ZNF469: variants seen among roughly 807,000 people sequenced by gnomAD.
The protein encoded by ZNF469 is zinc finger protein 469.
Under a neutral mutation model 1.0 loss-of-function variants are expected in ZNF469, and 1 was observed. The ratio of observed to expected loss-of-function variants is 1.00; its 90% CI spans 0.35 to 4.73. ZNF469 has a LOEUF of 4.73. Among genes scored for constraint, ZNF469 ranks in the 30% most tolerant of loss-of-function variants. The pLI, the probability that ZNF469 is intolerant of heterozygous loss-of-function variation, is 0.16. For missense variants in ZNF469, 6,100 were observed against 5,356.3 expected, an observed-to-expected ratio of 1.14 and a Z score of -4.33; for synonymous variants, 2,703 against 2,363.4, an observed-to-expected ratio of 1.14 and a Z score of -4.17.
rs776065579 is a variant in ZNF469 at position 88,431,696 on chromosome 16, C to T, written c.4226C>T (p.Pro1409Leu). Residue 1409 changes from proline (P) to leucine (L), a missense_variant, in exon 3 of 3, where the codon CCG (proline) becomes CTG (leucine). Physicochemically the swap from Pro to Leu is moderately conservative, Grantham distance 98. Coordinates refer to ENST00000565624, the MANE Select transcript of ZNF469 (RefSeq NM_001367624.2). ...AAGCCCTCAGCCAGGGATGCCCCGC[C>T]GGCCAGCAGCTCCTGCCTTTGCCAG... Reference protein sequence around the residue: ...HPKPSARDAPPASSSCLCQDG... With the variant: ...HPKPSARDAPLASSSCLCQDG... 43 of 1,550,302 alleles carry T rather than the reference C, an allele frequency of 2.8e-5. No individual in the cohort carries two copies. In the South Asian group the frequency reaches 3.7e-4, roughly 13 times the overall value.
the ZNF469 span, among the ~76,000 whole-genome samples, chr16:88,307,601 T>A: frequency 5.3e-5 from 8 of 152,356 alleles, no homozygotes; most frequent in East Asian, 1.5e-3. Context: ...GCTAATGATA[T>A]CAGTGTCTTT....
At chr16:88,273,925 C>A in the ZNF469 span, among the ~76,000 whole-genome samples, 2 of 152,062 alleles carry the variant, frequency 1.3e-5, no homozygotes, top group African/African-American at 4.8e-5. Context: ...CTGCCTCAGC[C>A]TCCCGTGTAG....
the ZNF469 span, among the ~76,000 whole-genome samples, chr16:88,242,704 G>A: frequency 0.31 from 47,055 of 151,510 alleles, 5,157 homozygotes; most frequent in Non-Finnish European, 0.42. Context: ...AGCGGGTTGA[G>A]GGTCAGCCTG....
the ZNF469 span, among the ~76,000 whole-genome samples, chr16:88,345,457 C>A: frequency 6.6e-6 from 1 of 152,210 alleles, no homozygotes; most frequent in Non-Finnish European, 1.5e-5. Flanking sequence ...TGGCTACACA[C>A]GCAAACGTTG....
chr16:88,140,906 C>T, the ZNF469 span, among the ~76,000 whole-genome samples: 9 of 152,164 alleles, frequency 5.9e-5, no homozygotes, highest in Non-Finnish European at 1.2e-4. Flanking sequence ...GCACTGCAGC[C>T]TGGGTGACAG....
chr16:88,272,683 T>C, the ZNF469 span, among the ~76,000 whole-genome samples: 287 of 150,452 alleles, frequency 1.9e-3, 7 homozygotes, highest in Admixed American at 0.016. Context: ...GGTGTATGGA[T>C]AGACGAGTGG....
In ZNF469 at chr16:88,431,712, C is replaced by T. The variant is rs1431434600; in HGVS notation, c.4242C>T (p.Cys1414=). 7.1e-6 allele frequency: 11 copies of T among 1,550,398 alleles called. No homozygotes were observed. In the South Asian group the frequency reaches 1.1e-4, roughly 15 times the overall value. The change falls in exon 3 of 3, where the codon TGC becomes TGT. Residue 1414 remains cysteine (C), a synonymous_variant. Coordinates refer to ENST00000565624, the MANE Select transcript of ZNF469 (RefSeq NM_001367624.2). Reference sequence around the variant, plus strand: ...ATGCCCCGCCGGCCAGCAGCTCCTGCCTTTGCCAGGACGGCGAGGATGCCG... The same window carrying T: ...ATGCCCCGCCGGCCAGCAGCTCCTGTCTTTGCCAGGACGGCGAGGATGCCG... ...ARDAPPASSS[C]LCQDGEDAGS...
the ZNF469 span, among the ~76,000 whole-genome samples, chr16:88,145,974 G>A: frequency 1.3e-5 from 2 of 152,240 alleles, no homozygotes; most frequent in South Asian, 4.1e-4. Flanking sequence ...CGGCCTCGCA[G>A]TCCCGTGTTG....
the ZNF469 span, among the ~76,000 whole-genome samples, chr16:88,270,643 A>C: frequency 6.6e-6 from 1 of 152,228 alleles, no homozygotes; most frequent in African/African-American, 2.4e-5. Context: ...CCCAGATTCC[A>C]AGTATCCAAA....
chr16:88,292,725 C>G, the ZNF469 span, among the ~76,000 whole-genome samples: 1 of 149,232 alleles, frequency 6.7e-6, no homozygotes, highest in African/African-American at 2.5e-5. Flanking sequence ...TCATTACTTG[C>G]TCACTCGTAG....
chr16:88,321,761 TG>T, the ZNF469 span, among the ~76,000 whole-genome samples: 1 of 152,216 alleles, frequency 6.6e-6, no homozygotes, highest in African/African-American at 2.4e-5. Context: ...AGGCCTCACC[TG>T]TTTGGATGCA....
the ZNF469 span, among the ~76,000 whole-genome samples, chr16:88,354,833 C>G: frequency 6.6e-6 from 1 of 152,206 alleles, no homozygotes; most frequent in African/African-American, 2.4e-5. Context: ...AAAGGGGCCT[C>G]TCAGCCCTGA....
Position 88,437,978 on chromosome 16 carries a change from G to C in ZNF469, c.10508G>C (p.Gly3503Ala). The change falls in exon 3 of 3, where the codon GGC becomes GCC. Residue 3503 changes from glycine (G) to alanine (A), a missense_variant. Transcript: ENST00000565624. ...PRGSSPILSE[G>A]SLPALLHLCS... ...GGAAGCAGCCCCATCCTGAGTGAGG[G>C]CTCTCTCCCGGCCCTGCTCCACCTG... 6.5e-7 allele frequency: 1 copy of C among 1,547,692 alleles called. No individual in the cohort carries two copies.
chr16:88,434,031 T>C lies in ZNF469; in HGVS notation c.6561T>C (p.Thr2187=). The change falls in exon 3 of 3, where the codon ACT becomes ACC. Residue 2187 remains threonine (T), a synonymous_variant. Coordinates refer to ENST00000565624, the MANE Select transcript of ZNF469 (RefSeq NM_001367624.2). Reference sequence around the variant, plus strand: ...ATGGCGTCCAAGCCACGACAGATACTGGGGCTGAGGATTCCCCGGTGGCTC... The same window carrying C: ...ATGGCGTCCAAGCCACGACAGATACCGGGGCTGAGGATTCCCCGGTGGCTC... The part of the protein sequence containing the change: ...EADGVQATTD[T]GAEDSPVAPP... 1 of 1,550,284 alleles carries C rather than the reference T, an allele frequency of 6.5e-7. No individual in the cohort carries two copies. Among genetic ancestry groups the C allele is most frequent in the Non-Finnish European group, 8.7e-7 (1 of 1,146,882 alleles).
the ZNF469 span, among the ~76,000 whole-genome samples, chr16:88,234,152 C>T: frequency 1.3e-5 from 2 of 152,176 alleles, no homozygotes; most frequent in African/African-American, 2.4e-5. Context: ...CAGCAGTCCC[C>T]GAGGAGGTGG....
chr16:88,399,590 G>T (rs1904796597), intron 1 of ZNF469, among the ~76,000 whole-genome samples: 1 of 152,216 alleles, frequency 6.6e-6, no homozygotes, highest in Non-Finnish European at 1.5e-5. Flanking sequence ...ACAAGAGCCA[G>T]AAATGAGTAT....
At chr16:88,275,243 C>A in the ZNF469 span, among the ~76,000 whole-genome samples, 2 of 152,172 alleles carry the variant, frequency 1.3e-5, no homozygotes, top group Non-Finnish European at 2.9e-5. Flanking sequence ...GGGGAGGGGC[C>A]GGCGAGCACC....
At chr16:88,348,217 C>T in the ZNF469 span, among the ~76,000 whole-genome samples, 5 of 152,208 alleles carry the variant, frequency 3.3e-5, no homozygotes, top group Non-Finnish European at 4.4e-5. Flanking sequence ...GGCTCAGGGC[C>T]GCCTTCCTGC....
Position 88,435,495 on chromosome 16 carries a change from G to C in ZNF469, c.8025G>C (p.Pro2675=). 4 of 1,549,194 alleles carry C rather than the reference G, an allele frequency of 2.6e-6. 1 individual carries two copies. The South Asian group carries it at 3.6e-5, about 14-fold the overall frequency. ...CAATGGCCAGTTACGCAGCCTCTCC[G>C]AGCCACTGCCTCTCTGTGGAAGGAG... ...SPAMASYAAS[P]SHCLSVEGGP... Residue 2675 remains proline, a synonymous_variant, in exon 3 of 3, where the codon CCG becomes CCC. Transcript: ENST00000565624.
Sources: gnomAD v4.1 joint callset for allele counts (sites outside exome capture counted in the v4.1 genomes callset) on GRCh38, gnomAD v4.1.1 for gene constraint, MANE v1.5 for transcripts, NCBI Gene and HGNC (gene_info 2026-07-23, HGNC 2026-07-21) for gene names.